FAM168B: variants seen among roughly 807,000 people sequenced by gnomAD.
FAM168B encodes the protein myelin-associated neurite-outgrowth inhibitor.
Under a neutral mutation model 21.8 loss-of-function variants are expected in FAM168B, and 19 were observed. That is an observed-to-expected ratio of 0.87 (90% CI 0.61 to 1.28). The LOEUF (loss-of-function observed/expected upper bound fraction) is 1.28. FAM168B is among the 50% of genes most tolerant of loss of function. The pLI, the probability that FAM168B is intolerant of heterozygous loss-of-function variation, is 0.00. For missense variants in FAM168B, 233 were observed against 263.1 expected, an observed-to-expected ratio of 0.89 and a Z score of 0.79; for synonymous variants, 126 against 104.8, an observed-to-expected ratio of 1.20 and a Z score of -1.24.
chr2:131,063,581 A>C (rs1692411757), intron 3 of FAM168B, among the ~76,000 whole-genome samples: 1 of 152,180 alleles, frequency 6.6e-6, no homozygotes, highest in South Asian at 2.1e-4. Flanking sequence ...GAGTTCTGAG[A>C]CTGGCCTGAG....
At chr2:131,079,972 C>T (rs1693352469) in intron 2 of FAM168B, among the ~76,000 whole-genome samples, 1 of 151,976 alleles carries the variant, frequency 6.6e-6, no homozygotes, top group Non-Finnish European at 1.5e-5. Flanking sequence ...CAAACATTAG[C>T]TGGGCATGGT....
At chr2:131,085,364 CA>C (rs1693636308) in intron 1 of FAM168B, among the ~76,000 whole-genome samples, 1 of 152,064 alleles carries the variant, frequency 6.6e-6, no homozygotes, top group Non-Finnish European at 1.5e-5. Context: ...AGAATGTAGC[CA>C]AAACAAGCAG....
chr2:131,081,691 G>A (rs1483172177), intron 2 of FAM168B, among the ~76,000 whole-genome samples: 1 of 152,082 alleles, frequency 6.6e-6, no homozygotes, highest in Admixed American at 6.6e-5. Context: ...TGTCGCAAGG[G>A]TCCTAATACT....
At chr2:131,057,011 C>T (rs374685868) in intron 3 of FAM168B, among the ~76,000 whole-genome samples, 17 of 152,284 alleles carry the variant, frequency 1.1e-4, no homozygotes, top group African/African-American at 3.9e-4. Flanking sequence ...AAACTGTACA[C>T]TGAGAAGGAT....
chr2:131,051,928 A>G lies in FAM168B; in HGVS notation c.*537T>C. The stretch of plus-strand genomic sequence containing the variant: ...CAGGTCGCTGAAAACTAAAATGTCC[A>G]CATCCCTAACTGGCAACCCACATCA... On this transcript the variant is annotated 3_prime_UTR_variant, in exon 7 of 7. Coordinates refer to ENST00000389915, the MANE Select transcript of FAM168B (RefSeq NM_001009993.4). 1 of 985,500 alleles carries G rather than the reference A, an allele frequency of 1.0e-6. No individual in the cohort carries two copies. Among genetic ancestry groups the G allele is most frequent in the Non-Finnish European group, 1.2e-6 (1 of 829,944 alleles). The allele number at this position is 985,500 out of a possible 1,614,324, so 61.0% of individuals were successfully genotyped here. A position where few individuals can be genotyped will look rare whatever the true frequency, so the allele number is the denominator to read the frequency against.
intron 2 of FAM168B, among the ~76,000 whole-genome samples, chr2:131,080,932 A>C (rs1224219007): frequency 6.6e-6 from 1 of 151,906 alleles, no homozygotes; most frequent in African/African-American, 2.4e-5. Flanking sequence ...GGCCTCCCAA[A>C]GTGCTGGGAT....
chr2:131,051,763 AG>A lies in FAM168B; in HGVS notation c.*701del. On this transcript the variant is annotated 3_prime_UTR_variant, in exon 7 of 7. Coordinates refer to ENST00000389915, the MANE Select transcript of FAM168B (RefSeq NM_001009993.4). ...CCATAATCTTTCATGATGAGCTTTA[AG>A]CATGTCCCTGTTCCACTGACTCCAC... The A allele has an allele frequency of 1.0e-6, 1 of 985,458 alleles. No homozygotes were observed. Among genetic ancestry groups the A allele is most frequent in the Non-Finnish European group, 1.2e-6 (1 of 829,926 alleles). 61.0% of individuals were successfully genotyped at this position (985,458 alleles called of 1,614,324 possible).
chr2:131,074,596 G>A lies in FAM168B; in HGVS notation c.71-2658C>T, dbSNP rs185917083. On this transcript the variant is annotated intron_variant, in intron 2 of 6. Coordinates refer to ENST00000389915, the MANE Select transcript of FAM168B (RefSeq NM_001009993.4). The stretch of plus-strand genomic sequence containing the variant: ...AGCAGTCTTCAAAAGAAACTGTGTT[G>A]AGGAGGCCTGGAGAAAGGTGTCTCT... 9.8e-5 allele frequency among the ~76,000 whole-genome samples: 15 copies of A among 152,312 alleles called. No homozygotes were observed. The East Asian group carries it at 2.9e-3, about 29-fold the overall frequency.
Position 131,050,084 on chromosome 2 carries a change from T to C in FAM168B, c.*2381A>G. ...TCATAAAAGGGAAAAAAGGTTAAGT[T>C]ACAGGGAGGAAGAAAAGTGTTTATG... On this transcript the variant is annotated 3_prime_UTR_variant, in exon 7 of 7. Coordinates refer to ENST00000389915, the MANE Select transcript of FAM168B (RefSeq NM_001009993.4). 1.0e-6 allele frequency: 1 copy of C among 985,466 alleles called. No homozygotes were observed. Among genetic ancestry groups the C allele is most frequent in the Non-Finnish European group, 1.2e-6 (1 of 829,948 alleles). 61.0% of individuals were successfully genotyped at this position (985,466 alleles called of 1,614,324 possible). A position where few individuals can be genotyped will look rare whatever the true frequency, so the allele number is the denominator to read the frequency against.
chr2:131,090,381 G>C (rs1218468154), intron 1 of FAM168B, among the ~76,000 whole-genome samples: 2 of 150,896 alleles, frequency 1.3e-5, no homozygotes, highest in African/African-American at 2.4e-5. Flanking sequence ...TTCCTGGTTT[G>C]GAAACATACC....
At chr2:131,064,463 A>C (rs185848634) in intron 3 of FAM168B, among the ~76,000 whole-genome samples, 101 of 152,284 alleles carry the variant, frequency 6.6e-4, no homozygotes, top group African/African-American at 2.4e-3. Flanking sequence ...GGCACCAACA[A>C]GGTACCCCAA....
rs1305712346 is a variant in FAM168B, at chr2:131,050,117, T to C, written c.*2348A>G. The C allele has an allele frequency of 1.0e-6, 1 of 985,342 alleles. No homozygotes were observed. Among genetic ancestry groups the C allele is most frequent in the African/African-American group, 1.7e-5 (1 of 57,234 alleles). The allele number at this position is 985,342 out of a possible 1,614,324, so 61.0% of individuals were successfully genotyped here. A position where few individuals can be genotyped will look rare whatever the true frequency, so the allele number is the denominator to read the frequency against. On this transcript the variant is annotated 3_prime_UTR_variant, in exon 7 of 7. Transcript: ENST00000389915. ...GGAAGAAAAGTGTTTATGAAGCTGA[T>C]GTAAATGGCGTGTGGGGGGTGCAGC...
chr2:131,092,846 G>A (rs1340951453), intron 1 of FAM168B, among the ~76,000 whole-genome samples: 1 of 152,202 alleles, frequency 6.6e-6, no homozygotes, highest in Non-Finnish European at 1.5e-5. Context: ...TTCGTGGGTA[G>A]ACAAAGTGAG....
chr2:131,049,122 G>A lies in FAM168B; in HGVS notation c.*3343C>T, dbSNP rs775868785. 4.2e-5 allele frequency: 41 copies of A among 985,328 alleles called. No individual in the cohort carries two copies. Among genetic ancestry groups the A allele is most frequent in the Non-Finnish European group, 4.9e-5 (41 of 829,946 alleles). The allele number at this position is 985,328 out of a possible 1,614,324, so 61.0% of individuals were successfully genotyped here. A position where few individuals can be genotyped will look rare whatever the true frequency, so the allele number is the denominator to read the frequency against. On this transcript the variant is annotated 3_prime_UTR_variant, in exon 7 of 7. Transcript: ENST00000389915. ...TACATACCTTACGGGGGCCAACACT[G>A]ACAGGTATTAGTACGTCGCAAGTTG...
Position 131,071,914 on chromosome 2 carries a change from G to T in FAM168B, c.95C>A (p.Ala32Glu), listed in dbSNP as rs958271838. The T allele has an allele frequency of 6.2e-7, 1 of 1,614,086 alleles. No homozygotes were observed. Among genetic ancestry groups the T allele is most frequent in the Non-Finnish European group, 8.5e-7 (1 of 1,179,976 alleles). Residue 32 changes from alanine (A) to glutamate (E), a missense_variant, in exon 3 of 7, where the codon GCA becomes GAA. Coordinates refer to ENST00000389915, the MANE Select transcript of FAM168B (RefSeq NM_001009993.4). ...YPAGFPMGYA[A>E]AAPAYSPNMY... Reference sequence around the variant, plus strand: ...GTTAGGAGAATAGGCAGGAGCTGCTGCTGCATAGCCCATGGGAAAACCAGC... The same window carrying T: ...GTTAGGAGAATAGGCAGGAGCTGCTTCTGCATAGCCCATGGGAAAACCAGC...
chr2:131,087,618 GA>G (rs1693781599), intron 1 of FAM168B, among the ~76,000 whole-genome samples: 1 of 152,156 alleles, frequency 6.6e-6, no homozygotes, highest in African/African-American at 2.4e-5. Flanking sequence ...TCTATGTAGG[GA>G]ATCAGTAATA....
chr2:131,073,839 G>A (rs559026638), intron 2 of FAM168B, among the ~76,000 whole-genome samples: 2 of 152,344 alleles, frequency 1.3e-5, no homozygotes, highest in East Asian at 3.9e-4. Flanking sequence ...CATACACACA[G>A]AAATGGGAAA....
chr2:131,071,714 C>T, intron 3 of FAM168B, 141 bp downstream of exon 3: 1 of 687,248 alleles, frequency 1.5e-6, no homozygotes. Flanking sequence ...GCTTTTGTTG[C>T]ACTTATCAAC....
chr2:131,052,228 G>A lies in FAM168B; in HGVS notation c.*237C>T. ...TTAATACTCCCTTTTTATCATTACA[G>A]TTAGCTAAAAAATTGCCAGGCAGTC... On this transcript the variant is annotated 3_prime_UTR_variant, in exon 7 of 7. Transcript: ENST00000389915. 5.1e-6 allele frequency: 5 copies of A among 985,782 alleles called. No homozygotes were observed. Among genetic ancestry groups the A allele is most frequent in the Non-Finnish European group, 6.0e-6 (5 of 829,908 alleles). The allele number at this position is 985,782 out of a possible 1,614,324, so 61.1% of individuals were successfully genotyped here.
Sources: allele counts gnomAD v4.1 joint callset (sites outside exome capture counted in the v4.1 genomes callset), GRCh38; gene constraint gnomAD v4.1.1; transcripts MANE v1.5; gene names NCBI Gene and HGNC (gene_info 2026-07-23, HGNC 2026-07-21).